TOX: variants seen among roughly 807,000 people sequenced by gnomAD.
The protein encoded by TOX is thymocyte selection associated high mobility group box.
TOX carries 11 observed loss-of-function variants against 53.7 expected under a neutral mutation model. That is an observed-to-expected ratio of 0.20 (90% confidence interval 0.13 to 0.34). TOX has a LOEUF of 0.34. Ranked by LOEUF, TOX falls within the 10% of genes least tolerant of loss-of-function variation. The pLI, the probability that TOX is intolerant of heterozygous loss-of-function variation, is 1.00. For synonymous variants in TOX, 225 were observed against 245.3 expected, an observed-to-expected ratio of 0.92 and a Z score of 0.77; for missense variants, 570 against 664.6, an observed-to-expected ratio of 0.86 and a Z score of 1.56.
Position 58,852,495 on chromosome 8 carries a change from G to GTT in TOX, c.412-692_412-691dup, listed in dbSNP as rs988688449. Among the ~76,000 whole-genome samples the GTT allele has an allele frequency of 2.0e-5, 3 of 152,260 alleles. 1 individual carries two copies. The highest frequency in any genetic ancestry group is 6.8e-3 in the Middle Eastern group (2 of 294). On this transcript the variant is annotated intron_variant, in intron 3 of 8. Coordinates refer to ENST00000361421, the MANE Select transcript of TOX (RefSeq NM_014729.3). ...ATCCATTATGCTATCTGAGTCACTG[G>GTT]TTTTTAGCCTTAATGAGACTCACTC...
At chr8:58,822,939 T>G (rs1810306254) in intron 6 of TOX, among the ~76,000 whole-genome samples, 1 of 152,168 alleles carries the variant, frequency 6.6e-6, no homozygotes, top group African/African-American at 2.4e-5. Context: ...ATTCCTACTG[T>G]GCAGGTTTGC....
At chr8:58,998,529 ATAT>A (rs1354502749) in intron 1 of TOX, among the ~76,000 whole-genome samples, 11 of 15,848 alleles carry the variant, frequency 6.9e-4, no homozygotes, top group South Asian at 3.2e-3. Context: ...ATATATATAT[ATAT>A]ATATATAAAT....
chr8:59,028,789 G>A (rs948076941), intron 1 of TOX, among the ~76,000 whole-genome samples: 15 of 152,072 alleles, frequency 9.9e-5, no homozygotes, highest in South Asian at 2.1e-4. Context: ...AAGTCTGCTC[G>A]ATCCTTCAAA....
At chr8:59,008,651 C>T (rs1192620795) in intron 1 of TOX, among the ~76,000 whole-genome samples, 3 of 152,198 alleles carry the variant, frequency 2.0e-5, no homozygotes, top group Non-Finnish European at 4.4e-5. Flanking sequence ...ACCAGTCATA[C>T]GTCCTGCAGG....
chr8:58,831,654 G>A (rs1810455864), intron 5 of TOX, among the ~76,000 whole-genome samples: 1 of 152,080 alleles, frequency 6.6e-6, no homozygotes, highest in Non-Finnish European at 1.5e-5. Flanking sequence ...AACTCCTTTT[G>A]ATTCTTCTCT....
intron 3 of TOX, among the ~76,000 whole-genome samples, chr8:58,853,199 C>G (rs1198863394): frequency 6.6e-6 from 1 of 152,172 alleles, no homozygotes; most frequent in South Asian, 2.1e-4. Flanking sequence ...ACTTCTCAGT[C>G]TTCACGCACA....
rs116222565 is a variant in TOX at position 58,959,625 on chromosome 8, G to A, written c.168+318C>T. On this transcript the variant is annotated intron_variant, in intron 2 of 8. Coordinates refer to ENST00000361421, the MANE Select transcript of TOX (RefSeq NM_014729.3). ...GCTTATAATGATTAAATCATCTACAGTCAGAAGCACAAATATCCTGCACCT... is the reference window on the plus strand; with the variant it reads ...GCTTATAATGATTAAATCATCTACAATCAGAAGCACAAATATCCTGCACCT... Among the ~76,000 whole-genome samples, 322 of 152,288 alleles carry A rather than the reference G, an allele frequency of 2.1e-3. 2 individuals are homozygous for A. The highest frequency in any genetic ancestry group is 7.4e-3 in the African/African-American group (308 of 41,562).
intron 3 of TOX, among the ~76,000 whole-genome samples, chr8:58,873,957 G>GTTTTTTTTTT (rs1585873069): frequency 3.4e-4 from 15 of 43,988 alleles, no homozygotes; most frequent in African/African-American, 3.1e-3. Flanking sequence ...ATGCCAGGAA[G>GTTTTTTTTTT]CTTTTTTTTT....
chr8:59,054,219 C>A (rs1368247451), intron 1 of TOX, among the ~76,000 whole-genome samples: 2 of 152,178 alleles, frequency 1.3e-5, no homozygotes, highest in African/African-American at 4.8e-5. Flanking sequence ...ATAATTTACA[C>A]TGTAATTAAC....
At chr8:58,933,020 C>T (rs577556865) in intron 3 of TOX, among the ~76,000 whole-genome samples, 6 of 152,178 alleles carry the variant, frequency 3.9e-5, no homozygotes, top group Non-Finnish European at 8.8e-5. Flanking sequence ...AAATTTGACA[C>T]ATTCAAAGAA....
intron 1 of TOX, among the ~76,000 whole-genome samples, chr8:59,026,901 GAAA>G (rs58806202): frequency 2.2e-5 from 3 of 136,126 alleles, no homozygotes; most frequent in African/African-American, 5.4e-5. Flanking sequence ...AGAGAGAAAG[GAAA>G]AAAAAAAAAA....
chr8:59,072,766 T>G (rs1028411201), intron 1 of TOX, among the ~76,000 whole-genome samples: 1 of 152,164 alleles, frequency 6.6e-6, no homozygotes, highest in African/African-American at 2.4e-5. Flanking sequence ...ATTTCAACTA[T>G]CATAAGTTTA....
intron 1 of TOX, among the ~76,000 whole-genome samples, chr8:58,994,463 C>T (rs550312740): frequency 3.4e-4 from 51 of 149,938 alleles, no homozygotes; most frequent in African/African-American, 1.2e-3. Context: ...AAAGAAAGGA[C>T]TAAATCTCTT....
chr8:58,874,999 G>A (rs919464543), intron 3 of TOX, among the ~76,000 whole-genome samples: 3 of 152,240 alleles, frequency 2.0e-5, no homozygotes, highest in African/African-American at 7.2e-5. Flanking sequence ...TGTGGGCCAT[G>A]GATTGGACAA....
At chr8:58,873,911 G>A (rs1811237545) in intron 3 of TOX, among the ~76,000 whole-genome samples, 1 of 127,446 alleles carries the variant, frequency 7.8e-6, no homozygotes, top group Admixed American at 9.0e-5. Context: ...TGAGTGACTT[G>A]TCATTGTCAC....
intron 7 of TOX, among the ~76,000 whole-genome samples, chr8:58,813,972 T>A (rs533742411): frequency 6.6e-6 from 1 of 152,316 alleles, no homozygotes; most frequent in South Asian, 2.1e-4. Context: ...TGGGTTTGAA[T>A]TCCAGCTCTG....
intron 1 of TOX, among the ~76,000 whole-genome samples, chr8:58,984,368 A>G (rs1385169826): frequency 1.3e-5 from 2 of 152,226 alleles, no homozygotes; most frequent in Non-Finnish European, 2.9e-5. Flanking sequence ...GGACAGATGC[A>G]TCTCCAAAGA....
At chr8:58,856,116 T>G (rs1310633551) in intron 3 of TOX, among the ~76,000 whole-genome samples, 1 of 152,216 alleles carries the variant, frequency 6.6e-6, no homozygotes, top group Non-Finnish European at 1.5e-5. Flanking sequence ...TTTACATACT[T>G]GTACTTTCCC....
rs915275254 is a variant in TOX, at chr8:59,015,378, C to T, written c.103-55370G>A. 1.2e-4 allele frequency among the ~76,000 whole-genome samples: 18 copies of T among 152,122 alleles called. 1 individual carries two copies. The highest frequency in any genetic ancestry group is 1.1e-3 in the Admixed American group (17 of 15,276). On this transcript the variant is annotated intron_variant, in intron 1 of 8. Transcript: ENST00000361421. ...AGCAGCTACAAAACTAGGTCAGGGT[C>T]GAAAAGCTAGAGCTGAATTCCCCTC...
Sources: allele counts gnomAD v4.1 joint callset (sites outside exome capture counted in the v4.1 genomes callset), GRCh38; gene constraint gnomAD v4.1.1; transcripts MANE v1.5; gene names NCBI Gene and HGNC (gene_info 2026-07-23, HGNC 2026-07-21).